The following ZNF627 variants were observed in gnomAD, a reference collection of about 807,000 sequenced individuals.
The protein encoded by ZNF627 is zinc finger protein 627.
In ZNF627, 12 loss-of-function variants were observed where a neutral mutation model predicts 10.6. That is an observed-to-expected ratio of 1.13 (90% CI 0.73 to 1.84). The LOEUF is 1.84. Among genes scored for constraint, ZNF627 ranks in the 40% most tolerant of loss-of-function variants. The probability of loss-of-function intolerance (pLI) is 0.00; values close to 1 mark genes in which losing one functional copy is unlikely to be tolerated. For missense variants in ZNF627, 504 were observed against 568.4 expected (o/e 0.89, Z 1.15); for synonymous variants, 176 against 187.1 (o/e 0.94, Z 0.48).
At chr19:11,614,707 C>T in intron 2 of ZNF627, 54 bp downstream of exon 2, 4 of 1,611,474 alleles carry the variant, frequency 2.5e-6, no homozygotes, top group Non-Finnish European at 1.7e-6. Flanking sequence ...GTGTTTCTAG[C>T]TCCTTAACAC....
At chr19:11,605,205 C>T (rs1369861516) in intron 1 of ZNF627, among the ~76,000 whole-genome samples, 2 of 151,176 alleles carry the variant, frequency 1.3e-5, no homozygotes, top group African/African-American at 4.9e-5. Flanking sequence ...GCCTCAGCCT[C>T]CCAAGTAGCT....
At chr19:11,615,012 T>C (rs1973842161) in intron 3 of ZNF627, 125 bp downstream of exon 3, 1 of 731,168 alleles carries the variant, frequency 1.4e-6, no homozygotes, top group Non-Finnish European at 2.2e-6. Context: ...AGTGGCACAA[T>C]CTTGGCTCAC....
At position 11,618,088 on chromosome 19, in the gene ZNF627, G is replaced by A. The variant is rs1429967565; in HGVS notation, c.*199G>A. The A allele has an allele frequency of 4.1e-6, 2 of 488,900 alleles. No individual in the cohort carries two copies. Among genetic ancestry groups the A allele is most frequent in the African/African-American group, 4.0e-5 (2 of 50,614 alleles). The allele number at this position is 488,900 out of a possible 1,614,324, so 30.3% of individuals were successfully genotyped here. ...GAGTTGGATCTCTGGATTGTGTTATGTCAGTGTTGGTAGGTTAGGAACTAG... is the reference window on the plus strand; with the variant it reads ...GAGTTGGATCTCTGGATTGTGTTATATCAGTGTTGGTAGGTTAGGAACTAG... On this transcript the variant is annotated 3_prime_UTR_variant, in exon 4 of 4. Transcript: ENST00000361113.
chr19:11,616,786 ACTC>A lies in ZNF627; in HGVS notation c.286_288del (p.Pro96del). 1 of 1,613,828 alleles carries A rather than the reference ACTC, an allele frequency of 6.2e-7. No individual in the cohort carries two copies. The highest frequency in any genetic ancestry group is 8.5e-7 in the Non-Finnish European group (1 of 1,179,946). ...TCCAGATGGTATTCTGAACAAGAAA[ACTC>A]CTGGAGTAAAACCGTGTGAAAGCAG... On this transcript the variant is annotated inframe_deletion, in exon 4 of 4. Transcript: ENST00000361113.
Position 11,617,593 on chromosome 19 carries a change from G to C in ZNF627, c.1090G>C (p.Asp364His). 1 of 1,613,780 alleles carries C rather than the reference G, an allele frequency of 6.2e-7. No homozygotes were observed. The highest frequency in any genetic ancestry group is 8.5e-7 in the Non-Finnish European group (1 of 1,179,908). Residue 364 changes from aspartate to histidine, a missense_variant, in exon 4 of 4, where the codon GAT becomes CAT. Coordinates refer to ENST00000361113, the MANE Select transcript of ZNF627 (RefSeq NM_145295.4). ...ERTHTGEKPY[D>H]CKQCGKAFSC... Reference sequence around the variant, plus strand: ...GACCCACACTGGAGAGAAACCCTATGATTGTAAGCAATGTGGGAAAGCCTT... The same window carrying C: ...GACCCACACTGGAGAGAAACCCTATCATTGTAAGCAATGTGGGAAAGCCTT...
At chr19:11,609,580 T>C (rs10408325) in intron 1 of ZNF627, among the ~76,000 whole-genome samples, 70,615 of 144,272 alleles carry the variant, frequency 0.49, 17,259 homozygotes, top group Admixed American at 0.55. Context: ...TGCAATGGCA[T>C]GATCTCAGCT....
At chr19:11,599,829 C>T (rs1052745529) in intron 1 of ZNF627, among the ~76,000 whole-genome samples, 2 of 151,842 alleles carry the variant, frequency 1.3e-5, no homozygotes, top group Non-Finnish European at 2.9e-5. Flanking sequence ...ATCGCTTTAA[C>T]GTGGGAGGCA....
At chr19:11,599,016 TA>T in intron 1 of ZNF627, among the ~76,000 whole-genome samples, 1 of 152,144 alleles carries the variant, frequency 6.6e-6, no homozygotes, top group Non-Finnish European at 1.5e-5. Context: ...ACCCGGACCC[TA>T]AAATAAAAAA....
chr19:11,599,774 G>A (rs1973553538), intron 1 of ZNF627, among the ~76,000 whole-genome samples: 1 of 152,124 alleles, frequency 6.6e-6, no homozygotes, highest in Non-Finnish European at 1.5e-5. Flanking sequence ...GGGTGTGGTG[G>A]CAGGTGCCTC....
intron 1 of ZNF627, chr19:11,604,511 G>A (rs1055766356): frequency 1.3e-5 from 2 of 152,232 alleles, no homozygotes; most frequent in Admixed American, 6.6e-5. Flanking sequence ...TGGTGTTTTG[G>A]GTTTGTGGGT....
rs1568445432 is a variant in ZNF627, at chr19:11,617,613, A to C, written c.1110A>C (p.Lys370Asn). The C allele has an allele frequency of 6.2e-7, 1 of 1,613,894 alleles. No homozygotes were observed. Reference sequence around the variant, plus strand: ...CCTATGATTGTAAGCAATGTGGGAAAGCCTTCAGTTGTTCCAGTTCGTTTC... The same window carrying C: ...CCTATGATTGTAAGCAATGTGGGAACGCCTTCAGTTGTTCCAGTTCGTTTC... ...EKPYDCKQCG[K>N]AFSCSSSFRK... The change falls in exon 4 of 4, where the codon AAA becomes AAC. Residue 370 changes from lysine (K) to asparagine (N), a missense_variant. Transcript: ENST00000361113.
chr19:11,605,138 C>T lies in ZNF627; in HGVS notation c.3+7508C>T, dbSNP rs562312650. Among the ~76,000 whole-genome samples, 30 of 131,616 alleles carry T rather than the reference C, an allele frequency of 2.3e-4. No individual in the cohort carries two copies. In the East Asian group the frequency reaches 6.0e-3, roughly 26 times the overall value. The allele number at this position is 131,616 out of a possible 152,430, so 86.3% of individuals were successfully genotyped here. A position where few individuals can be genotyped will look rare whatever the true frequency, so the allele number is the denominator to read the frequency against. ...TTGCTCTGTCACCCAGGCTGGAGTG[C>T]AGTGGTGCGATCATGGCTCACTGCA... is the stretch of plus-strand genomic sequence containing the variant. On this transcript the variant is annotated intron_variant, in intron 1 of 3. Transcript: ENST00000361113.
intron 2 of ZNF627, 86 bp from the exon 3 acceptor site, chr19:11,614,741 G>A: frequency 6.2e-7 from 1 of 1,603,266 alleles, no homozygotes; most frequent in Non-Finnish European, 8.5e-7. Flanking sequence ...CCAGGCATGG[G>A]TACAGGGAAT....
chr19:11,615,637 T>C (rs919008097), intron 3 of ZNF627, among the ~76,000 whole-genome samples: 3 of 149,408 alleles, frequency 2.0e-5, no homozygotes, highest in Non-Finnish European at 4.4e-5. Flanking sequence ...TCCAAAAACA[T>C]AGTTAAGTGT....
intron 1 of ZNF627, among the ~76,000 whole-genome samples, chr19:11,612,930 C>G (rs1973797958): frequency 1.3e-5 from 2 of 151,720 alleles, no homozygotes; most frequent in South Asian, 4.2e-4. Context: ...AACCCTCCCA[C>G]TTCAAGTAGG....
chr19:11,603,130 C>A (rs1468549766), intron 1 of ZNF627, among the ~76,000 whole-genome samples: 1 of 151,940 alleles, frequency 6.6e-6, no homozygotes, highest in African/African-American at 2.4e-5. Flanking sequence ...GGTTTCTTTG[C>A]CTGTTTGTTT....
intron 1 of ZNF627, among the ~76,000 whole-genome samples, chr19:11,601,635 G>C (rs558869537): frequency 5.1e-4 from 77 of 152,100 alleles, no homozygotes; most frequent in African/African-American, 1.9e-3. Context: ...GGGGTGGGGC[G>C]GGGAGCACCA....
At chr19:11,611,090 T>C (rs1345078046) in intron 1 of ZNF627, among the ~76,000 whole-genome samples, 6 of 152,156 alleles carry the variant, frequency 3.9e-5, no homozygotes, top group African/African-American at 1.4e-4. Context: ...TGACCTCAAG[T>C]GATCTGTCCG....
intron 1 of ZNF627, among the ~76,000 whole-genome samples, chr19:11,612,229 T>C (rs982435974): frequency 3.3e-5 from 5 of 149,788 alleles, no homozygotes; most frequent in African/African-American, 9.8e-5. Flanking sequence ...CACGCCATTC[T>C]CTTGCCTCAG....
Sources: gnomAD v4.1 joint callset for allele counts (sites outside exome capture counted in the v4.1 genomes callset) on GRCh38, gnomAD v4.1.1 for gene constraint, MANE v1.5 for transcripts, NCBI Gene and HGNC (gene_info 2026-07-23, HGNC 2026-07-21) for gene names.